The following TRANK1 variants were observed in gnomAD, a reference collection of about 807,000 sequenced individuals.
TRANK1 encodes the protein tetratricopeptide repeat and ankyrin repeat containing 1, also known as TPR and ankyrin repeat-containing protein 1.
Under a neutral mutation model 266.0 loss-of-function variants are expected in TRANK1, and 198 were observed. The observed-to-expected ratio is 0.74, with a 90% CI of 0.66 to 0.84. The LOEUF (loss-of-function observed/expected upper bound fraction) is 0.84, where lower values mean the gene tolerates loss of function less well. Ranked by LOEUF, TRANK1 falls within the 40% of genes least tolerant of loss-of-function variation. TRANK1 has a pLI of 0.00. For missense variants in TRANK1, 3,326 were observed against 3,634.6 expected (o/e 0.92, Z 2.18); for synonymous variants, 1,396 against 1,384.1 (o/e 1.01, Z -0.19).
chr3:36,916,336 C>T (rs972005375), intron 1 of TRANK1, among the ~76,000 whole-genome samples: 1 of 152,116 alleles, frequency 6.6e-6, no homozygotes, highest in Non-Finnish European at 1.5e-5. Flanking sequence ...GAGGCCAAGG[C>T]GGGCAGATCA....
At chr3:36,924,978 A>T (rs938107539) in intron 1 of TRANK1, among the ~76,000 whole-genome samples, 1 of 152,142 alleles carries the variant, frequency 6.6e-6, no homozygotes, top group African/African-American at 2.4e-5. Context: ...ATCTCACACC[A>T]TAAAGGTCTG....
chr3:36,855,168 C>T lies in TRANK1; in HGVS notation c.4549+5G>A, dbSNP rs1028014804. The stretch of plus-strand genomic sequence containing the variant: ...CCAGTAGGCAAACCCAAGAGCTGGA[C>T]TTACCTGAGTGGGACCTGTAATTCT... On this transcript the variant is annotated splice_donor_5th_base_variant and intron_variant, in intron 13 of 23. Coordinates refer to ENST00000645898, the MANE Select transcript of TRANK1 (RefSeq NM_001329998.2). 4.4e-6 allele frequency: 7 copies of T among 1,604,010 alleles called. No homozygotes were observed. Among genetic ancestry groups the T allele is most frequent in the Non-Finnish European group, 6.0e-6 (7 of 1,173,158 alleles).
At chr3:36,943,525 A>G (rs984759563) in intron 1 of TRANK1, among the ~76,000 whole-genome samples, 1 of 141,940 alleles carries the variant, frequency 7.0e-6, no homozygotes, top group Non-Finnish European at 1.5e-5. Context: ...CAAAGAGCAT[A>G]TGAACTCAAG....
Position 36,846,371 on chromosome 3 carries a change from C to A in TRANK1, c.5068G>T (p.Ala1690Ser), listed in dbSNP as rs372429586. The A allele has an allele frequency of 1.2e-6, 2 of 1,613,474 alleles. No homozygotes were observed. Among genetic ancestry groups the A allele is most frequent in the Middle Eastern group, 1.7e-4 (1 of 6,060 alleles). Reference protein sequence around the residue: ...LNGELKQLYTAITRARVNLWI... With the variant: ...LNGELKQLYTSITRARVNLWI... ...AGGTTGACCCGAGCCCGTGTGATGG[C>A]GGTGTACAGCTGCTTCAGCTCTCCG... Residue 1690 changes from alanine (A) to serine (S), a missense_variant, in exon 17 of 24, where the codon GCC becomes TCC. By Grantham distance (99) the Ala-to-Ser change is moderately conservative (BLOSUM62 1). Transcript: ENST00000645898.
At position 36,939,092 on chromosome 3, in the gene TRANK1, G is replaced by A. The variant is rs114058957; in HGVS notation, c.23+5695C>T. ...GTGGAGGATGCAGTGAGCTGAGACC[G>A]CACCACTGTACTCCAGCGTGGGCAA... On this transcript the variant is annotated intron_variant, in intron 1 of 23. Coordinates refer to ENST00000645898, the MANE Select transcript of TRANK1 (RefSeq NM_001329998.2). 3.0e-3 allele frequency among the ~76,000 whole-genome samples: 452 copies of A among 152,110 alleles called. 4 individuals are homozygous for A. Among genetic ancestry groups the A allele is most frequent in the African/African-American group, 0.01 (416 of 41,488 alleles).
At position 36,911,227 on chromosome 3, in the gene TRANK1, G is replaced by A. The variant is rs1339776389; in HGVS notation, c.24-2773C>T. ...AAATATAGGCCTATAAGGTTGAAAA[G>A]GCATATAATCCCAAATTGTTTTAAA... On this transcript the variant is annotated intron_variant, in intron 1 of 23. Transcript: ENST00000645898. Among the ~76,000 whole-genome samples, 4 of 152,096 alleles carry A rather than the reference G, an allele frequency of 2.6e-5. No individual in the cohort carries two copies. In the East Asian group the frequency reaches 7.7e-4, roughly 29 times the overall value.
intron 1 of TRANK1, 140 bp downstream of exon 1, chr3:36,944,647 G>T: frequency 1.0e-6 from 1 of 995,548 alleles, no homozygotes; most frequent in Non-Finnish European, 1.4e-6. Flanking sequence ...ATGGCTGTGG[G>T]CCCCACAGGG....
chr3:36,902,997 G>T (rs554660141), intron 3 of TRANK1, among the ~76,000 whole-genome samples, 152 bp downstream of exon 3: 1 of 152,310 alleles, frequency 6.6e-6, no homozygotes, highest in African/African-American at 2.4e-5. Flanking sequence ...ACTTTTAAAA[G>T]GAATGGAAAG....
Position 36,874,273 on chromosome 3 carries a change from G to GC in TRANK1, c.930dup (p.Leu311AlafsTer26). On this transcript the variant is annotated frameshift_variant, in exon 9 of 24. Coordinates refer to ENST00000645898, the MANE Select transcript of TRANK1 (RefSeq NM_001329998.2). LOFTEE classifies it high-confidence loss of function. The stretch of plus-strand genomic sequence containing the variant: ...GTGGGATCTGCCCCAAAGCGCAGGA[G>GC]CATCTGCACATCCTCTGTTTGTCCT... 3 of 1,537,104 alleles carry GC rather than the reference G, an allele frequency of 2.0e-6. No homozygotes were observed. Among genetic ancestry groups the GC allele is most frequent in the Non-Finnish European group, 2.6e-6 (3 of 1,146,852 alleles).
chr3:36,861,801 A>G (rs1301874104), intron 10 of TRANK1, among the ~76,000 whole-genome samples: 1 of 147,444 alleles, frequency 6.8e-6, no homozygotes, highest in Non-Finnish European at 1.5e-5. Flanking sequence ...CACCTCCTGG[A>G]TTCACGCCAT....
In TRANK1 at chr3:36,874,526, G is replaced by T. The variant is rs764861534; in HGVS notation, c.908-230C>A. 2.6e-5 allele frequency among the ~76,000 whole-genome samples: 4 copies of T among 152,202 alleles called. No homozygotes were observed. The East Asian group carries it at 7.7e-4, about 29-fold the overall frequency. On this transcript the variant is annotated intron_variant, in intron 8 of 23. Coordinates refer to ENST00000645898, the MANE Select transcript of TRANK1 (RefSeq NM_001329998.2). ...TAGCTTTCAAGAGGTTCAGAAGTGC[G>T]CTCCTCTCTACCTTTCTCCCCTCTC...
intron 1 of TRANK1, among the ~76,000 whole-genome samples, chr3:36,942,364 T>C (rs757161627): frequency 2.6e-5 from 4 of 151,592 alleles, no homozygotes; most frequent in Non-Finnish European, 5.9e-5. Flanking sequence ...TATAAAATGA[T>C]CGTGGTCCAG....
chr3:36,877,483 C>A (rs2079406606), intron 8 of TRANK1, among the ~76,000 whole-genome samples: 2 of 152,192 alleles, frequency 1.3e-5, no homozygotes, highest in African/African-American at 4.8e-5. Flanking sequence ...TGCAACCCCA[C>A]TGATTCACAA....
At position 36,829,717 on chromosome 3, in the gene TRANK1, A is replaced by G. The variant is rs1330717366; in HGVS notation, c.8711-55T>C. 2.6e-6 allele frequency: 4 copies of G among 1,562,022 alleles called. No individual in the cohort carries two copies. In the East Asian group the frequency reaches 6.7e-5, roughly 26 times the overall value. ...TAAAGATGCCATTGCAGGAACTAGA[A>G]CACCAATTACTAGACCCAGAGTCCC... On this transcript the variant is annotated intron_variant, in intron 22 of 23. Coordinates refer to ENST00000645898, the MANE Select transcript of TRANK1 (RefSeq NM_001329998.2).
chr3:36,915,164 G>A (rs2125640555), intron 1 of TRANK1, among the ~76,000 whole-genome samples: 1 of 151,796 alleles, frequency 6.6e-6, no homozygotes, highest in Admixed American at 6.6e-5. Context: ...TGTTAGCCAG[G>A]ATGGTCTAAA....
intron 9 of TRANK1, among the ~76,000 whole-genome samples, chr3:36,869,324 C>G (rs150332928): frequency 1.1e-3 from 164 of 152,290 alleles, no homozygotes; most frequent in African/African-American, 3.9e-3. Context: ...CCAAAAGCAG[C>G]CCCATCCTAA....
chr3:36,932,006 T>A (rs1430135718), intron 1 of TRANK1, among the ~76,000 whole-genome samples: 1 of 152,236 alleles, frequency 6.6e-6, no homozygotes, highest in African/African-American at 2.4e-5. Context: ...GAGACTTTTC[T>A]TCATAACCTT....
intron 23 of TRANK1, 63 bp downstream of exon 23, chr3:36,829,501 C>A (rs747824242): frequency 1.6e-4 from 251 of 1,548,020 alleles, no homozygotes; most frequent in Non-Finnish European, 2.1e-4. Flanking sequence ...CCCCCGGGAG[C>A]CAGCAGTAAT....
intron 1 of TRANK1, among the ~76,000 whole-genome samples, chr3:36,930,793 G>A (rs572956004): frequency 1.6e-4 from 25 of 152,280 alleles, no homozygotes; most frequent in South Asian, 1.2e-3. Context: ...GAGGGGGACT[G>A]ACTGGAAAGG....
Sources: allele counts gnomAD v4.1 joint callset (sites outside exome capture counted in the v4.1 genomes callset), GRCh38; gene constraint gnomAD v4.1.1; transcripts MANE v1.5; gene names NCBI Gene and HGNC (gene_info 2026-07-23, HGNC 2026-07-21).